The following NCF2 variants were observed in gnomAD, a reference collection of about 807,000 sequenced individuals.
NCF2 encodes neutrophil cytosolic factor 2.
NCF2 carries 45 observed loss-of-function variants against 70.9 expected under a neutral mutation model. The observed-to-expected ratio is 0.63, with a 90% CI of 0.50 to 0.81. The LOEUF (loss-of-function observed/expected upper bound fraction) is 0.81. NCF2 is among the 40% of genes least tolerant of loss of function. NCF2 has a pLI of 0.00. For missense variants in NCF2, 522 were observed against 631.6 expected, an observed-to-expected ratio of 0.83 and a Z score of 1.86; for synonymous variants, 203 against 233.6, an observed-to-expected ratio of 0.87 and a Z score of 1.19.
the NCF2 span, among the ~76,000 whole-genome samples, chr1:183,599,430 C>CT: frequency 1.2e-5 from 1 of 85,558 alleles, no homozygotes; most frequent in African/African-American, 4.1e-5. Context: ...TTCCTTCTTT[C>CT]TTTCTTTCTT....
intron 7 of NCF2, among the ~76,000 whole-genome samples, chr1:183,568,106 G>A (rs1398607320): frequency 6.6e-6 from 1 of 151,952 alleles, no homozygotes; most frequent in Non-Finnish European, 1.5e-5. Context: ...CAGCTGACAG[G>A]GAGCTTAGGA....
chr1:183,564,041 A>G lies in NCF2; in HGVS notation c.1001-11T>C. On this transcript the variant is annotated splice_polypyrimidine_tract_variant and intron_variant, in intron 10 of 14. Transcript: ENST00000367535. Reference sequence around the variant, plus strand: ...CTTTTTGTTTCTGGCCTGAATGGAAAAAGTAGGGAGTAAAACAAAAGAAGA... The same window carrying G: ...CTTTTTGTTTCTGGCCTGAATGGAAGAAGTAGGGAGTAAAACAAAAGAAGA... 4 of 1,609,350 alleles carry G rather than the reference A, an allele frequency of 2.5e-6. No individual in the cohort carries two copies. Among genetic ancestry groups the G allele is most frequent in the Non-Finnish European group, 3.4e-6 (4 of 1,175,594 alleles).
chr1:183,573,463 C>G (rs1199478114), intron 4 of NCF2, among the ~76,000 whole-genome samples, 171 bp from the exon 5 acceptor site: 1 of 152,154 alleles, frequency 6.6e-6, no homozygotes, highest in Non-Finnish European at 1.5e-5. Context: ...CCCTTGGTTT[C>G]AATACCACCT....
At chr1:183,558,401 G>A (rs1671890573) in intron 14 of NCF2, among the ~76,000 whole-genome samples, 1 of 150,796 alleles carries the variant, frequency 6.6e-6, no homozygotes, top group African/African-American at 2.4e-5. Flanking sequence ...CTGAATAGCT[G>A]GGATTACAAG....
chr1:183,575,057 T>A (rs1672735784), intron 3 of NCF2, among the ~76,000 whole-genome samples: 1 of 152,214 alleles, frequency 6.6e-6, no homozygotes, highest in South Asian at 2.1e-4. Context: ...GTCCACCTCC[T>A]GCCACTGTAC....
rs919753168 is a variant in NCF2, at chr1:183,567,562, G to A, written c.714-217C>T. On this transcript the variant is annotated intron_variant, in intron 7 of 14. Coordinates refer to ENST00000367535, the MANE Select transcript of NCF2 (RefSeq NM_000433.4). ...CATAACCATATATGCAGAGGGGCAAGAATAAAGCAAAAACCCCACAACACT... is the reference window on the plus strand; with the variant it reads ...CATAACCATATATGCAGAGGGGCAAAAATAAAGCAAAAACCCCACAACACT... The A allele has an allele frequency of 2.9e-5, 20 of 696,204 alleles. No homozygotes were observed. The Admixed American group carries it at 4.0e-4, about 14-fold the overall frequency. The allele number at this position is 696,204 out of a possible 1,614,324, so 43.1% of individuals were successfully genotyped here.
At chr1:183,557,692 C>T (rs1349078521) in intron 14 of NCF2, among the ~76,000 whole-genome samples, 2 of 152,154 alleles carry the variant, frequency 1.3e-5, no homozygotes, top group Non-Finnish European at 2.9e-5. Flanking sequence ...TCCATATCTA[C>T]CCAAAAGGTT....
At chr1:183,589,301 C>A (rs920432426) in intron 1 of NCF2, among the ~76,000 whole-genome samples, 1 of 152,112 alleles carries the variant, frequency 6.6e-6, no homozygotes, top group Non-Finnish European at 1.5e-5. Context: ...TGAAGTTCCA[C>A]GAGACATTAA....
chr1:183,562,366 G>C (rs970455846), intron 13 of NCF2, among the ~76,000 whole-genome samples: 1 of 152,052 alleles, frequency 6.6e-6, no homozygotes, highest in Non-Finnish European at 1.5e-5. Flanking sequence ...TGACTTTTCA[G>C]ACTTCCAAGA....
intron 2 of NCF2, 31 bp downstream of exon 2, chr1:183,586,864 C>G (rs958297491): frequency 6.2e-7 from 1 of 1,600,284 alleles, no homozygotes; most frequent in Non-Finnish European, 8.6e-7. Flanking sequence ...TCTCTGAAAT[C>G]CTCCAGTTGG....
chr1:183,567,987 G>A (rs1374615427), intron 7 of NCF2, among the ~76,000 whole-genome samples: 1 of 152,192 alleles, frequency 6.6e-6, no homozygotes, highest in Non-Finnish European at 1.5e-5. Flanking sequence ...AGAGGCTGGT[G>A]TTCAGGTTTC....
chr1:183,580,894 A>T (rs1673030757), intron 2 of NCF2, among the ~76,000 whole-genome samples: 1 of 151,068 alleles, frequency 6.6e-6, no homozygotes, highest in Non-Finnish European at 1.5e-5. Flanking sequence ...CAGGAGAATC[A>T]CTTGAACCCA....
the NCF2 span, among the ~76,000 whole-genome samples, chr1:183,599,610 G>A: frequency 1.3e-5 from 2 of 150,856 alleles, no homozygotes; most frequent in South Asian, 4.2e-4. Flanking sequence ...GGAATGCAGT[G>A]GCACTATCTC....
chr1:183,570,210 C>T (rs900221112), intron 6 of NCF2, among the ~76,000 whole-genome samples: 1 of 152,258 alleles, frequency 6.6e-6, no homozygotes, highest in Non-Finnish European at 1.5e-5. Flanking sequence ...CTCTTTCCTT[C>T]ACAAGGAAGC....
intron 3 of NCF2, among the ~76,000 whole-genome samples, chr1:183,576,661 A>G (rs916076207): frequency 8.5e-5 from 13 of 152,198 alleles, no homozygotes; most frequent in African/African-American, 1.7e-4. Context: ...GCAAAGCCCC[A>G]TCTTCTCAGA....
chr1:183,573,206 C>T lies in NCF2; in HGVS notation c.588G>A (p.Lys196=). ...CTACCGTCGCCTTGCCTAGGTAATC[C>T]TTCTTGGCCAGCTGAGCCACTTGTC... The part of the protein sequence containing the change: ...NERQVAQLAK[K]DYLGKATVVA... Residue 196 remains lysine, a synonymous_variant, in exon 5 of 15, where the codon AAG becomes AAA. Transcript: ENST00000367535. The T allele has an allele frequency of 6.2e-7, 1 of 1,614,092 alleles. No individual in the cohort carries two copies. The highest frequency in any genetic ancestry group is 1.1e-5 in the South Asian group (1 of 91,080).
In NCF2 at chr1:183,581,379, C is replaced by CA. The variant is rs1334077375; in HGVS notation, c.258-3673_258-3672insT. On this transcript the variant is annotated intron_variant, in intron 2 of 14. Coordinates refer to ENST00000367535, the MANE Select transcript of NCF2 (RefSeq NM_000433.4). ...GGGGCTGAGGTTTGAGCCTGCAGTTCCAGCTACTCCGCCAGAGGCTGGGGC... is the reference window on the plus strand; with the variant it reads ...GGGGCTGAGGTTTGAGCCTGCAGTTCACAGCTACTCCGCCAGAGGCTGGGGC... 4.0e-5 allele frequency among the ~76,000 whole-genome samples: 6 copies of CA among 151,514 alleles called. No individual in the cohort carries two copies. The South Asian group carries it at 1.3e-3, about 32-fold the overall frequency.
chr1:183,584,855 A>G (rs1383785342), intron 2 of NCF2, among the ~76,000 whole-genome samples: 1 of 152,178 alleles, frequency 6.6e-6, no homozygotes, highest in Admixed American at 6.5e-5. Flanking sequence ...CCATAAATAT[A>G]TACACCTACT....
Position 183,566,914 on chromosome 1 carries a change from C to T in NCF2, c.924+6G>A. The stretch of plus-strand genomic sequence containing the variant: ...GGAAATGGGTCAGGCCTTGGCATCA[C>T]ATTACCTGGGGCTGCTGCTGAGGGT... On this transcript the variant is annotated splice_donor_region_variant and intron_variant, in intron 9 of 14. Transcript: ENST00000367535. The T allele has an allele frequency of 6.2e-7, 1 of 1,613,848 alleles. No homozygotes were observed.
Sources: allele counts gnomAD v4.1 joint callset (sites outside exome capture counted in the v4.1 genomes callset), GRCh38; gene constraint gnomAD v4.1.1; transcripts MANE v1.5; gene names NCBI Gene and HGNC (gene_info 2026-07-23, HGNC 2026-07-21).